The following TYW1B variants were observed in gnomAD, a reference collection of about 807,000 sequenced individuals.
TYW1B encodes the protein S-adenosyl-L-methionine-dependent tRNA 4-demethylwyosine synthase TYW1B.
A neutral mutation model predicts 86.9 loss-of-function variants in TYW1B; 73 were observed. That is an observed-to-expected ratio of 0.84 (90% CI 0.70 to 1.02). TYW1B has a LOEUF of 1.02. Ranked by LOEUF, TYW1B falls within the 50% of genes least tolerant of loss-of-function variation. The pLI is 0.00. For synonymous variants in TYW1B, 248 were observed against 292.8 expected (o/e 0.85, Z 1.56); for missense variants, 637 against 827.4 (o/e 0.77, Z 2.82).
intron 8 of TYW1B, among the ~76,000 whole-genome samples, chr7:72,734,833 A>G (rs565604907): frequency 2.5e-5 from 2 of 80,622 alleles, no homozygotes; most frequent in East Asian, 2.4e-4. Flanking sequence ...AAGAACATAT[A>G]CAAGTAGCAA....
intron 7 of TYW1B, among the ~76,000 whole-genome samples, chr7:72,765,011 C>T (rs1439150007): frequency 6.6e-6 from 1 of 152,022 alleles, no homozygotes; most frequent in African/African-American, 2.4e-5. Context: ...TATATAAATT[C>T]AATAAAAATC....
intron 3 of TYW1B, 118 bp from the exon 4 acceptor site, chr7:72,810,783 T>A: frequency 7.2e-7 from 1 of 1,381,994 alleles, no homozygotes; most frequent in East Asian, 2.5e-5. Flanking sequence ...TTCATAAACA[T>A]GGCTCATTTT....
intron 8 of TYW1B, among the ~76,000 whole-genome samples, chr7:72,740,900 T>C (rs1787292591): frequency 6.6e-6 from 1 of 151,832 alleles, no homozygotes; most frequent in African/African-American, 2.4e-5. Flanking sequence ...CTGGCTAATT[T>C]TTTGTATTTT....
At chr7:72,598,370 T>C (rs1448872919) in intron 13 of TYW1B, among the ~76,000 whole-genome samples, 1 of 152,022 alleles carries the variant, frequency 6.6e-6, no homozygotes, top group African/African-American at 2.4e-5. Flanking sequence ...TGTAAGTTAG[T>C]ACTTAATAAA....
At chr7:72,723,396 A>C (rs1554457999) in intron 9 of TYW1B, among the ~76,000 whole-genome samples, 2 of 152,138 alleles carry the variant, frequency 1.3e-5, no homozygotes, top group Non-Finnish European at 2.9e-5. Context: ...TATAATTGCC[A>C]TTTATACAAG....
intron 13 of TYW1B, among the ~76,000 whole-genome samples, chr7:72,583,955 C>T (rs1203215812): frequency 6.6e-6 from 1 of 152,196 alleles, no homozygotes; most frequent in Non-Finnish European, 1.5e-5. Flanking sequence ...TTACATGATC[C>T]CATGTTACTG....
chr7:72,807,188 C>T lies in TYW1B; in HGVS notation c.601G>A (p.Glu201Lys). ...TGGCCGCCACAGGACTTCTTTCTCT[C>T]CCCTTTCTGAAGTGCCTGCAGCTGG... Reference protein sequence around the residue: ...ISQLQALQKGERKKSCGGHCK... With the variant: ...ISQLQALQKGKRKKSCGGHCK... The change falls in exon 5 of 14, where the codon GAG becomes AAG. Residue 201 changes from glutamate to lysine, a missense_variant. By Grantham distance (56) the Glu-to-Lys change is moderately conservative. Coordinates refer to ENST00000620995, the MANE Select transcript of TYW1B (RefSeq NM_001145440.3). The T allele has an allele frequency of 5.0e-6, 8 of 1,613,976 alleles. No individual in the cohort carries two copies. The highest frequency in any genetic ancestry group is 6.8e-6 in the Non-Finnish European group (8 of 1,179,950).
chr7:72,622,671 T>A (rs1443257487), intron 12 of TYW1B, among the ~76,000 whole-genome samples: 1 of 150,436 alleles, frequency 6.6e-6, no homozygotes, highest in African/African-American at 2.5e-5. Flanking sequence ...CACATGCACA[T>A]ACACATAACA....
At chr7:72,801,157 C>G (rs1399048154) in intron 6 of TYW1B, among the ~76,000 whole-genome samples, 1 of 151,972 alleles carries the variant, frequency 6.6e-6, no homozygotes, top group African/African-American at 2.4e-5. Context: ...GGTGAAATCC[C>G]GTCTCTACTA....
intron 5 of TYW1B, among the ~76,000 whole-genome samples, chr7:72,804,284 C>CAAA (rs797037230): frequency 5.6e-5 from 4 of 70,862 alleles, no homozygotes; most frequent in Non-Finnish European, 8.8e-5. Flanking sequence ...GACTCCATCT[C>CAAA]AAAAAAAAAA....
rs1389281902 is a variant in TYW1B, at chr7:72,790,267, G to GTA, written c.846+12132_846+12133insTA. 2.6e-5 allele frequency among the ~76,000 whole-genome samples: 4 copies of GTA among 152,024 alleles called. No individual in the cohort carries two copies. In the South Asian group the frequency reaches 8.3e-4, roughly 32 times the overall value. On this transcript the variant is annotated intron_variant, in intron 6 of 13. Transcript: ENST00000620995. The stretch of plus-strand genomic sequence containing the variant: ...GGCCAGGAGTATCTTTGTTACTCAT[G>GTA]GTGAGCCCTTCAGACTACATCTGAT...
chr7:72,727,211 C>T (rs573145425), intron 9 of TYW1B, among the ~76,000 whole-genome samples: 136 of 152,236 alleles, frequency 8.9e-4, no homozygotes, highest in African/African-American at 3.2e-3. Context: ...GAAAGAATCA[C>T]CTGATCTTCA....
intron 3 of TYW1B, among the ~76,000 whole-genome samples, chr7:72,811,868 C>T (rs1421526863): frequency 6.9e-6 from 1 of 145,714 alleles, no homozygotes; most frequent in South Asian, 2.1e-4. Flanking sequence ...GCCACAATCA[C>T]ACCCCTGCAC....
At chr7:72,801,367 G>C (rs1374574834) in intron 6 of TYW1B, among the ~76,000 whole-genome samples, 1 of 152,070 alleles carries the variant, frequency 6.6e-6, no homozygotes, top group Non-Finnish European at 1.5e-5. Flanking sequence ...GGTAATTATT[G>C]ATCCTTTATG....
At chr7:72,685,712 G>A (rs1585902169) in intron 11 of TYW1B, among the ~76,000 whole-genome samples, 2 of 152,088 alleles carry the variant, frequency 1.3e-5, no homozygotes, top group Admixed American at 6.6e-5. Context: ...AGTTCTAGAC[G>A]ATAACACAGG....
chr7:72,667,031 C>CAAAAAAAAAA lies in TYW1B; in HGVS notation c.1506+27646_1506+27655dup, dbSNP rs60691255. Among the ~76,000 whole-genome samples the CAAAAAAAAAA allele has an allele frequency of 6.2e-3, 262 of 42,284 alleles. 33 individuals are homozygous for CAAAAAAAAAA. The highest frequency in any genetic ancestry group is 0.031 in the East Asian group (35 of 1,126). 27.7% of individuals were successfully genotyped at this position (42,284 alleles called of 152,430 possible). On this transcript the variant is annotated intron_variant, in intron 11 of 13. Transcript: ENST00000620995. Reference sequence around the variant, plus strand: ...TGGGAGAGAGAGCGAGACTCCGTCTCAAAAAAAAAAAAAAAAAAAAGAAAC... The same window carrying CAAAAAAAAAA: ...TGGGAGAGAGAGCGAGACTCCGTCTCAAAAAAAAAAAAAAAAAAAAAAAAAAAAAAGAAAC...
intron 13 of TYW1B, among the ~76,000 whole-genome samples, chr7:72,585,196 C>T (rs2129567691): frequency 6.6e-6 from 1 of 152,274 alleles, no homozygotes; most frequent in African/African-American, 2.4e-5. Flanking sequence ...ATTCAGCTGG[C>T]CCCCAGCCAC....
intron 10 of TYW1B, among the ~76,000 whole-genome samples, chr7:72,703,604 C>A (rs1814543215): frequency 6.6e-6 from 1 of 151,812 alleles, no homozygotes; most frequent in Non-Finnish European, 1.5e-5. Context: ...CCTGTAATCC[C>A]AGCACTTTGG....
chr7:72,729,543 A>G (rs1787066560), intron 8 of TYW1B, among the ~76,000 whole-genome samples: 1 of 152,150 alleles, frequency 6.6e-6, no homozygotes, highest in African/African-American at 2.4e-5. Flanking sequence ...ACAATGCCAT[A>G]ACCCAAGCTA....
Sources: gnomAD v4.1 joint callset for allele counts (sites outside exome capture counted in the v4.1 genomes callset) on GRCh38, gnomAD v4.1.1 for gene constraint, MANE v1.5 for transcripts, NCBI Gene and HGNC (gene_info 2026-07-23, HGNC 2026-07-21) for gene names.